The following ARHGAP15 variants were observed in gnomAD, a reference collection of about 807,000 sequenced individuals.
The protein encoded by ARHGAP15 is rho GTPase-activating protein 15.
In ARHGAP15, 51 loss-of-function variants were observed where a neutral mutation model predicts 63.7. The ratio of observed to expected loss-of-function variants is 0.80; its 90% CI spans 0.64 to 1.01. The LOEUF (loss-of-function observed/expected upper bound fraction) is 1.01. Among genes scored for constraint, ARHGAP15 ranks in the 50% least tolerant of loss-of-function variants. The probability of loss-of-function intolerance (pLI) is 0.00; values close to 1 mark genes in which losing one functional copy is unlikely to be tolerated. For synonymous variants in ARHGAP15, 191 were observed against 193.8 expected (o/e 0.99, Z 0.12); for missense variants, 560 against 564.6 (o/e 0.99, Z 0.08).
chr2:143,446,307 A>G (rs1438706678), intron 8 of ARHGAP15, among the ~76,000 whole-genome samples: 2 of 151,918 alleles, frequency 1.3e-5, no homozygotes, highest in African/African-American at 4.8e-5. Flanking sequence ...ATCTGGGTAA[A>G]TTCTGAGTAA....
chr2:143,372,304 C>G (rs1686595874), intron 6 of ARHGAP15, among the ~76,000 whole-genome samples: 1 of 147,100 alleles, frequency 6.8e-6, no homozygotes, highest in Non-Finnish European at 1.5e-5. Context: ...GATGGTGTCT[C>G]TGCATTCCAG....
chr2:143,372,822 G>T (rs552327984), intron 6 of ARHGAP15, among the ~76,000 whole-genome samples: 1 of 151,960 alleles, frequency 6.6e-6, no homozygotes, highest in East Asian at 1.9e-4. Context: ...TTTTAAGAAG[G>T]CTTGAAAAGT....
chr2:143,290,968 A>G (rs186109293), intron 6 of ARHGAP15, among the ~76,000 whole-genome samples: 1 of 152,224 alleles, frequency 6.6e-6, no homozygotes, highest in African/African-American at 2.4e-5. Flanking sequence ...GACAGAAGAG[A>G]AGGAAGAAGA....
chr2:143,307,173 T>A (rs1683212450), intron 6 of ARHGAP15, among the ~76,000 whole-genome samples: 1 of 152,114 alleles, frequency 6.6e-6, no homozygotes, highest in African/African-American at 2.4e-5. Flanking sequence ...GGCTTGATCA[T>A]CTTTTAAAGA....
At chr2:143,171,034 AT>A (rs1288403417) in intron 2 of ARHGAP15, among the ~76,000 whole-genome samples, 7 of 152,174 alleles carry the variant, frequency 4.6e-5, no homozygotes, top group African/African-American at 1.7e-4. Context: ...TGGAGAAAAC[AT>A]TCCTGAAGAC....
chr2:143,570,546 A>G (rs1187659170), intron 11 of ARHGAP15, among the ~76,000 whole-genome samples: 1 of 152,214 alleles, frequency 6.6e-6, no homozygotes, highest in African/African-American at 2.4e-5. Context: ...GATTGATTCC[A>G]TCCAGAGTTG....
At chr2:143,273,132 T>C (rs1160304384) in intron 6 of ARHGAP15, among the ~76,000 whole-genome samples, 3 of 152,182 alleles carry the variant, frequency 2.0e-5, no homozygotes, top group Admixed American at 6.5e-5. Context: ...TATACATCAT[T>C]ATTCTATTGC....
At chr2:143,593,545 C>T (rs1574677454) in intron 11 of ARHGAP15, among the ~76,000 whole-genome samples, 3 of 151,994 alleles carry the variant, frequency 2.0e-5, no homozygotes, top group South Asian at 4.1e-4. Flanking sequence ...ATTCAGAATC[C>T]GTGGTTATTT....
chr2:143,476,345 T>C (rs773776235), intron 8 of ARHGAP15, among the ~76,000 whole-genome samples: 2 of 152,228 alleles, frequency 1.3e-5, no homozygotes, highest in Non-Finnish European at 2.9e-5. Flanking sequence ...CTCTTTGTTA[T>C]GTAAGAGTAC....
chr2:143,138,812 C>T (rs1022723007), intron 1 of ARHGAP15, among the ~76,000 whole-genome samples: 8 of 151,952 alleles, frequency 5.3e-5, no homozygotes, highest in Non-Finnish European at 7.4e-5. Context: ...GTACAAATAA[C>T]GAAAATGTAA....
chr2:143,470,751 T>G (rs1691488143), intron 8 of ARHGAP15, among the ~76,000 whole-genome samples: 1 of 150,232 alleles, frequency 6.7e-6, no homozygotes, highest in Non-Finnish European at 1.5e-5. Context: ...TGGAGGTGAT[T>G]GGTTACACTT....
chr2:143,397,567 A>C (rs200894382), intron 6 of ARHGAP15, among the ~76,000 whole-genome samples: 2 of 141,816 alleles, frequency 1.4e-5, no homozygotes, highest in Non-Finnish European at 1.5e-5. Context: ...GCAAAAAAAA[A>C]CGAAGAAGAA....
Position 143,662,959 on chromosome 2 carries a change from G to A in ARHGAP15, c.1138+38692G>A, listed in dbSNP as rs1267958655. 4.2e-5 allele frequency among the ~76,000 whole-genome samples: 6 copies of A among 143,416 alleles called. 1 individual carries two copies. The highest frequency in any genetic ancestry group is 9.2e-5 in the Non-Finnish European group (6 of 65,498). 94.1% of individuals were successfully genotyped at this position (143,416 alleles called of 152,430 possible). A position where few individuals can be genotyped will look rare whatever the true frequency, so the allele number is the denominator to read the frequency against. On this transcript the variant is annotated intron_variant, in intron 12 of 13. Transcript: ENST00000295095. ...TCTGATTGGCGTACCTGAAAGTGAT[G>A]GGGAGAATGGAACCAAGTTGGAAAA...
chr2:143,539,510 G>T (rs944145348), intron 10 of ARHGAP15, among the ~76,000 whole-genome samples: 2 of 151,784 alleles, frequency 1.3e-5, no homozygotes, highest in Non-Finnish European at 2.9e-5. Context: ...TTCTCTTGTG[G>T]GCATTTAGTG....
intron 6 of ARHGAP15, among the ~76,000 whole-genome samples, chr2:143,265,771 A>C (rs919834673): frequency 2.0e-5 from 3 of 152,124 alleles, no homozygotes; most frequent in Non-Finnish European, 2.9e-5. Context: ...ATAAACAAAA[A>C]GGTTTAACTT....
intron 10 of ARHGAP15, among the ~76,000 whole-genome samples, chr2:143,544,916 C>G (rs537945120): frequency 1.3e-5 from 2 of 152,296 alleles, no homozygotes; most frequent in South Asian, 4.1e-4. Flanking sequence ...AACAGTCATC[C>G]TATTTGTGTT....
intron 6 of ARHGAP15, among the ~76,000 whole-genome samples, chr2:143,413,927 T>TTGTGTGTGTG (rs1553476588): frequency 0.021 from 2,688 of 127,844 alleles, 54 homozygotes; most frequent in African/African-American, 0.029. Flanking sequence ...AGGTAGGTAG[T>TTGTGTGTGTG]TGTGTGTGTG....
intron 6 of ARHGAP15, among the ~76,000 whole-genome samples, chr2:143,274,286 C>T (rs941371466): frequency 1.3e-5 from 2 of 151,940 alleles, no homozygotes; most frequent in African/African-American, 4.8e-5. Flanking sequence ...ACAAAGCTGT[C>T]TTTAATAACT....
chr2:143,719,729 A>G (rs901181016), intron 13 of ARHGAP15, among the ~76,000 whole-genome samples: 2 of 152,162 alleles, frequency 1.3e-5, no homozygotes, highest in South Asian at 2.1e-4. Context: ...GTCCTACTAT[A>G]TTTTTCTAAC....
Sources: allele counts gnomAD v4.1 joint callset (sites outside exome capture counted in the v4.1 genomes callset), GRCh38; gene constraint gnomAD v4.1.1; transcripts MANE v1.5; gene names NCBI Gene and HGNC (gene_info 2026-07-23, HGNC 2026-07-21).